ATP8A2: variants seen among roughly 807,000 people sequenced by gnomAD.
ATP8A2 encodes the protein ATPase phospholipid transporting 8A2, also known as phospholipid-transporting ATPase IB.
A neutral mutation model predicts 165.6 loss-of-function variants in ATP8A2; 100 were observed. The ratio of observed to expected loss-of-function variants is 0.60; its 90% CI spans 0.51 to 0.71. The LOEUF is 0.71. Among genes scored for constraint, ATP8A2 ranks in the 30% least tolerant of loss-of-function variants. ATP8A2 has a pLI of 0.00. For missense variants in ATP8A2, 1,227 were observed against 1,479.5 expected, an observed-to-expected ratio of 0.83 and a Z score of 2.80; for synonymous variants, 543 against 548.8, an observed-to-expected ratio of 0.99 and a Z score of 0.15.
intron 33 of ATP8A2, among the ~76,000 whole-genome samples, chr13:25,891,274 A>G (rs1003578600): frequency 5.3e-5 from 8 of 152,186 alleles, no homozygotes; most frequent in Admixed American, 5.2e-4. Context: ...AGTGTGTCAT[A>G]TTCAGAATGG....
At chr13:25,784,741 C>T (rs1002901731) in intron 27 of ATP8A2, among the ~76,000 whole-genome samples, 4 of 152,070 alleles carry the variant, frequency 2.6e-5, no homozygotes, top group Non-Finnish European at 5.9e-5. Context: ...GAACTATACC[C>T]TTCAAGTACT....
Position 26,021,223 on chromosome 13 carries a change from C to T in ATP8A2, c.*1238C>T, listed in dbSNP as rs1162266002. On this transcript the variant is annotated 3_prime_UTR_variant, in exon 37 of 37. Coordinates refer to ENST00000381655, the MANE Select transcript of ATP8A2 (RefSeq NM_016529.6). ...AGAAGGAGAAGGAAGGACACGGAGA[C>T]ACTGAGAGGAGGACACAGAGGAATC... is the stretch of plus-strand genomic sequence containing the variant. 1 of 152,318 alleles carries T rather than the reference C, an allele frequency of 6.6e-6. No individual in the cohort carries two copies. Among genetic ancestry groups the T allele is most frequent in the African/African-American group, 2.4e-5 (1 of 41,428 alleles). 9.4% of individuals were successfully genotyped at this position (152,318 alleles called of 1,614,324 possible).
chr13:25,870,406 C>T (rs1365460151), intron 33 of ATP8A2, among the ~76,000 whole-genome samples: 2 of 152,140 alleles, frequency 1.3e-5, no homozygotes, highest in Admixed American at 6.6e-5. Flanking sequence ...GGGGGTGGAG[C>T]CCTAGCCAGG....
intron 34 of ATP8A2, among the ~76,000 whole-genome samples, chr13:25,964,455 G>C (rs896530010): frequency 6.6e-6 from 1 of 152,274 alleles, no homozygotes; most frequent in Middle Eastern, 3.4e-3. Flanking sequence ...AAATTCGGAG[G>C]CTTCTCACAA....
chr13:25,586,378 T>C (rs1184829387), intron 23 of ATP8A2, among the ~76,000 whole-genome samples: 1 of 151,698 alleles, frequency 6.6e-6, no homozygotes, highest in East Asian at 1.9e-4. Context: ...AGCCGTGAGG[T>C]GAGGTTGAGG....
chr13:25,606,006 G>A (rs2040507884), intron 24 of ATP8A2, among the ~76,000 whole-genome samples: 1 of 152,082 alleles, frequency 6.6e-6, no homozygotes, highest in South Asian at 2.1e-4. Flanking sequence ...AATTCTGCCA[G>A]TTTAATTGTA....
At chr13:25,422,776 A>G (rs1431476433) in intron 1 of ATP8A2, among the ~76,000 whole-genome samples, 3 of 152,368 alleles carry the variant, frequency 2.0e-5, no homozygotes, top group East Asian at 1.9e-4. Context: ...GGAGGCTTAC[A>G]TAATTGTTTG....
chr13:25,948,593 T>C (rs567430266), intron 33 of ATP8A2, among the ~76,000 whole-genome samples: 2 of 152,212 alleles, frequency 1.3e-5, no homozygotes, highest in East Asian at 3.9e-4. Flanking sequence ...TAACCTCCAA[T>C]GTGATGGCTG....
intron 1 of ATP8A2, among the ~76,000 whole-genome samples, chr13:25,406,396 G>A (rs1441170676): frequency 2.0e-5 from 3 of 152,218 alleles, no homozygotes; most frequent in African/African-American, 7.2e-5. Context: ...TCTTACAGCA[G>A]AAACAATAGG....
intron 20 of ATP8A2, 95 bp downstream of exon 20, chr13:25,577,233 G>A: frequency 9.2e-7 from 1 of 1,087,278 alleles, no homozygotes; most frequent in Non-Finnish European, 1.4e-6. Flanking sequence ...TTCCCTGATT[G>A]TTTGTCCAGA....
rs868694362 is a variant in ATP8A2, at chr13:25,581,947, G to A, written c.2136G>A (p.Ala712=). Residue 712 remains alanine, a synonymous_variant, in exon 23 of 37, where the codon GCG becomes GCA. Coordinates refer to ENST00000381655, the MANE Select transcript of ATP8A2 (RefSeq NM_016529.6). ...TGACAGGAGACAAACAAGAAACTGCGATTAATATAGGTAATTATTTTTACA... is the reference window on the plus strand; with the variant it reads ...TGACAGGAGACAAACAAGAAACTGCAATTAATATAGGTAATTATTTTTACA... ...WVLTGDKQET[A]INIGYSCRLV... is the part of the protein sequence containing the mutation. The A allele has an allele frequency of 1.2e-6, 2 of 1,608,170 alleles. No homozygotes were observed. The highest frequency in any genetic ancestry group is 1.7e-6 in the Non-Finnish European group (2 of 1,178,136).
At chr13:25,805,972 A>G (rs12875560) in intron 27 of ATP8A2, among the ~76,000 whole-genome samples, 5,659 of 152,276 alleles carry the variant, frequency 0.037, 152 homozygotes, top group Non-Finnish European at 0.053. Flanking sequence ...GTGCTCTAAT[A>G]TAATATCTTC....
intron 33 of ATP8A2, among the ~76,000 whole-genome samples, chr13:25,933,070 A>T (rs1954806429): frequency 6.6e-6 from 1 of 151,440 alleles, no homozygotes; most frequent in Admixed American, 6.6e-5. Context: ...CTGGTCTCAA[A>T]CTCCTGATCT....
chr13:25,947,657 C>A (rs1399905286), intron 33 of ATP8A2, among the ~76,000 whole-genome samples: 1 of 152,180 alleles, frequency 6.6e-6, no homozygotes, highest in African/African-American at 2.4e-5. Flanking sequence ...CAGCTTCACT[C>A]CTTCCCCATC....
At chr13:25,464,591 C>T (rs911885688) in intron 1 of ATP8A2, among the ~76,000 whole-genome samples, 6 of 152,076 alleles carry the variant, frequency 3.9e-5, no homozygotes, top group Admixed American at 6.6e-5. Context: ...TGTCAAAGTT[C>T]CCAGAAGAGA....
rs1471668147 is a variant in ATP8A2, at chr13:25,537,987, G to A, written c.508-1G>A. 1 of 1,611,240 alleles carries A rather than the reference G, an allele frequency of 6.2e-7. No individual in the cohort carries two copies. Among genetic ancestry groups the A allele is most frequent in the South Asian group, 1.1e-5 (1 of 90,944 alleles). On this transcript the variant is annotated splice_acceptor_variant, in intron 6 of 36. Coordinates refer to ENST00000381655, the MANE Select transcript of ATP8A2 (RefSeq NM_016529.6). LOFTEE classifies it high-confidence loss of function. ...CTCTGTCCTCATCCCTGTCTCTCTA[G>A]GTGGCAGTGGGAGACATTGTGAAGG...
chr13:25,908,512 T>G (rs532131709), intron 33 of ATP8A2, among the ~76,000 whole-genome samples: 2 of 152,318 alleles, frequency 1.3e-5, no homozygotes, highest in East Asian at 3.9e-4. Context: ...AGGCCTCAGG[T>G]CCTTCCGAGG....
chr13:25,886,826 A>G (rs1177822265), intron 33 of ATP8A2, among the ~76,000 whole-genome samples: 2 of 152,080 alleles, frequency 1.3e-5, no homozygotes, highest in Admixed American at 6.6e-5. Flanking sequence ...GGTGGCTTCC[A>G]CTCTGCAAGC....
At position 25,543,509 on chromosome 13, in the gene ATP8A2, A is replaced by G. The variant is rs2038549255; in HGVS notation, c.891+107A>G. ...TTTAGGAAGTTCAAATTTGTCTATG[A>G]ACCTAAATTTGGAAAGAACTGCCTT... On this transcript the variant is annotated intron_variant, in intron 10 of 36. Transcript: ENST00000381655. 8 of 696,708 alleles carry G rather than the reference A, an allele frequency of 1.1e-5. No homozygotes were observed. In the South Asian group the frequency reaches 1.9e-4, roughly 16 times the overall value. 43.2% of individuals were successfully genotyped at this position (696,708 alleles called of 1,614,324 possible). A position where few individuals can be genotyped will look rare whatever the true frequency, so the allele number is the denominator to read the frequency against.
Sources: allele counts gnomAD v4.1 joint callset (sites outside exome capture counted in the v4.1 genomes callset), GRCh38; gene constraint gnomAD v4.1.1; transcripts MANE v1.5; gene names NCBI Gene and HGNC (gene_info 2026-07-23, HGNC 2026-07-21).